TEKTL1: variants seen among roughly 807,000 people sequenced by gnomAD.
TEKTL1 encodes tektin-like protein 1.
At chr19:15,018,391 T>C in the TEKTL1 span, among the ~76,000 whole-genome samples, 1 of 151,972 alleles carries the variant, frequency 6.6e-6, no homozygotes, top group African/African-American at 2.4e-5. Flanking sequence ...AGAAGACAAC[T>C]TTGTGAATAA....
the TEKTL1 span, chr19:15,011,046 G>C: frequency 9.3e-4 from 1,470 of 1,577,852 alleles, 21 homozygotes; most frequent in African/African-American, 0.017. Context: ...TGGCGCTTCC[G>C]CGTGGAGATG....
At chr19:15,022,977 G>A in the TEKTL1 span, 14 of 1,613,372 alleles carry the variant, frequency 8.7e-6, no homozygotes, top group Non-Finnish European at 1.0e-5. Flanking sequence ...AAGAACATCG[G>A]GCATGAGGTG....
the TEKTL1 span, chr19:15,021,800 C>T: frequency 2.5e-6 from 4 of 1,613,682 alleles, no homozygotes; most frequent in Middle Eastern, 1.6e-4. Flanking sequence ...CACCGCACCC[C>T]ACCAGGGTCC....
chr19:15,021,273 C>A, the TEKTL1 span: 27 of 1,553,906 alleles, frequency 1.7e-5, no homozygotes, highest in African/African-American at 2.7e-5. Flanking sequence ...GGGCCCACCA[C>A]CACCTGAGAA....
At chr19:15,020,716 A>T in the TEKTL1 span, 1 of 1,463,158 alleles carries the variant, frequency 6.8e-7, no homozygotes, top group Non-Finnish European at 9.4e-7. Flanking sequence ...CTTGACTGTC[A>T]GTGCAGCCCG....
At chr19:15,023,109 C>T in the TEKTL1 span, 3 of 1,603,842 alleles carry the variant, frequency 1.9e-6, no homozygotes, top group South Asian at 2.2e-5. Flanking sequence ...AAGAGCAGCG[C>T]GGACCCCTAG....
chr19:15,010,841 C>T, the TEKTL1 span: 1 of 1,541,410 alleles, frequency 6.5e-7, no homozygotes, highest in Non-Finnish European at 8.7e-7. Flanking sequence ...CGTGTTGGTA[C>T]CCCCGGCTGA....
At chr19:15,011,734 CAAA>C in the TEKTL1 span, among the ~76,000 whole-genome samples, 814 of 121,768 alleles carry the variant, frequency 6.7e-3, 12 homozygotes, top group African/African-American at 0.022. Flanking sequence ...AACTCCATCT[CAAA>C]AAAAAAAAAA....
the TEKTL1 span, among the ~76,000 whole-genome samples, chr19:15,015,697 T>C: frequency 2.0e-5 from 3 of 150,340 alleles, no homozygotes; most frequent in Non-Finnish European, 4.5e-5. Context: ...AGCAAGATTC[T>C]ATATAAATGA....
the TEKTL1 span, among the ~76,000 whole-genome samples, chr19:15,012,026 C>A: frequency 4.0e-5 from 6 of 151,344 alleles, no homozygotes; most frequent in Non-Finnish European, 5.9e-5. Flanking sequence ...GATGCCGATG[C>A]GGGAGGATTG....
the TEKTL1 span, among the ~76,000 whole-genome samples, chr19:15,015,855 A>G: frequency 6.6e-3 from 1,008 of 152,322 alleles, 12 homozygotes; most frequent in African/African-American, 0.023. Flanking sequence ...TATCTATTTT[A>G]CTACAATAAA....
At chr19:15,011,915 C>T in the TEKTL1 span, among the ~76,000 whole-genome samples, 6 of 151,960 alleles carry the variant, frequency 3.9e-5, no homozygotes, top group African/African-American at 1.5e-4. Context: ...GATGGCACCA[C>T]TGTGTTCCAG....
the TEKTL1 span, chr19:15,021,315 G>A: frequency 7.5e-6 from 12 of 1,606,142 alleles, no homozygotes; most frequent in Non-Finnish European, 9.4e-6. Context: ...TGGGAACGGA[G>A]GACTTGGCAC....
chr19:15,020,645 G>C, the TEKTL1 span: 1 of 1,613,182 alleles, frequency 6.2e-7, no homozygotes. Flanking sequence ...GACCCTGTGG[G>C]CACCTATAAC....
At chr19:15,021,720 CG>C in the TEKTL1 span, 2 of 1,613,652 alleles carry the variant, frequency 1.2e-6, no homozygotes, top group Non-Finnish European at 1.7e-6. Flanking sequence ...AGGTACGGTT[CG>C]GGGTGAGAGC....
the TEKTL1 span, among the ~76,000 whole-genome samples, chr19:15,013,002 C>T: frequency 6.6e-6 from 1 of 152,124 alleles, no homozygotes; most frequent in South Asian, 2.1e-4. Context: ...CAGGCCTCGT[C>T]TGTGGTGAAA....
At chr19:15,011,863 A>C in the TEKTL1 span, among the ~76,000 whole-genome samples, 2 of 152,234 alleles carry the variant, frequency 1.3e-5, no homozygotes, top group African/African-American at 4.8e-5. Flanking sequence ...CCTTGGTGTG[A>C]GGACCGCTTG....
the TEKTL1 span, among the ~76,000 whole-genome samples, chr19:15,017,610 T>C: frequency 6.6e-6 from 1 of 151,860 alleles, no homozygotes; most frequent in African/African-American, 2.4e-5. Context: ...TGAGTGCCAG[T>C]TGAGAATCAA....
the TEKTL1 span, chr19:15,013,685 C>T: frequency 1.2e-6 from 2 of 1,612,780 alleles, no homozygotes; most frequent in Non-Finnish European, 1.7e-6. Context: ...CCTGACAAAG[C>T]TGACAGTATG....
Sources: allele counts gnomAD v4.1 joint callset (sites outside exome capture counted in the v4.1 genomes callset), GRCh38; gene constraint gnomAD v4.1.1; transcripts MANE v1.5; gene names NCBI Gene and HGNC (gene_info 2026-07-23, HGNC 2026-07-21).